LRIG2: variants seen among roughly 807,000 people sequenced by gnomAD.
LRIG2 encodes leucine rich repeats and immunoglobulin like domains 2.
Under a neutral mutation model 107.8 loss-of-function variants are expected in LRIG2, and 93 were observed. That is an observed-to-expected ratio of 0.86 (90% CI 0.73 to 1.03). LRIG2 has a LOEUF of 1.03. Ranked by LOEUF, LRIG2 falls within the 50% of genes least tolerant of loss-of-function variation. The probability of loss-of-function intolerance (pLI) is 0.00; values close to 1 mark genes in which losing one functional copy is unlikely to be tolerated. For synonymous variants in LRIG2, 471 were observed against 470.6 expected (o/e 1.00, Z -0.01); for missense variants, 1,226 against 1,296.0 (o/e 0.95, Z 0.83).
At chr1:113,104,683 T>C (rs1313652750) in intron 11 of LRIG2, among the ~76,000 whole-genome samples, 1 of 152,024 alleles carries the variant, frequency 6.6e-6, no homozygotes, top group African/African-American at 2.4e-5. Context: ...CCCAGCTAAT[T>C]TTTGTATCTT....
chr1:113,120,490 G>C (rs1170793766), intron 17 of LRIG2, among the ~76,000 whole-genome samples: 1 of 150,012 alleles, frequency 6.7e-6, no homozygotes, highest in Non-Finnish European at 1.5e-5. Flanking sequence ...TTTGGTGATG[G>C]TTTTTACTGA....
intron 16 of LRIG2, among the ~76,000 whole-genome samples, chr1:113,117,662 T>C (rs1312004451): frequency 6.6e-6 from 1 of 151,998 alleles, no homozygotes; most frequent in Non-Finnish European, 1.5e-5. Context: ...TTTTGTATTT[T>C]TAGTAGAGAC....
chr1:113,112,434 T>A, intron 13 of LRIG2, 45 bp from the exon 14 acceptor site: 1 of 1,570,054 alleles, frequency 6.4e-7, no homozygotes, highest in Non-Finnish European at 8.7e-7. Flanking sequence ...TATATGTGTC[T>A]TTGTTCCCTT....
intron 16 of LRIG2, among the ~76,000 whole-genome samples, chr1:113,116,648 G>T (rs1655029977): frequency 6.6e-6 from 1 of 152,188 alleles, no homozygotes; most frequent in African/African-American, 2.4e-5. Flanking sequence ...TTAAACAAGA[G>T]ATCAGAGTAC....
intron 8 of LRIG2, among the ~76,000 whole-genome samples, chr1:113,097,968 C>T (rs1570746989): frequency 6.6e-6 from 1 of 152,340 alleles, no homozygotes; most frequent in East Asian, 1.9e-4. Context: ...AATCACACAA[C>T]TCTACATGTC....
At chr1:113,093,679 C>T (rs913639311) in intron 4 of LRIG2, 115 bp downstream of exon 4, 13 of 566,710 alleles carry the variant, frequency 2.3e-5, no homozygotes, top group Middle Eastern at 5.1e-4. Flanking sequence ...TGCTAGATGA[C>T]GAGTTAGTGG....
chr1:113,123,647 T>A (rs1202140919), intron 17 of LRIG2, among the ~76,000 whole-genome samples: 1 of 151,448 alleles, frequency 6.6e-6, no homozygotes, highest in Non-Finnish European at 1.5e-5. Flanking sequence ...CAGTAGACGA[T>A]ATATAGTATG....
intron 17 of LRIG2, among the ~76,000 whole-genome samples, chr1:113,123,663 A>T (rs1184176921): frequency 6.6e-6 from 1 of 151,252 alleles, no homozygotes; most frequent in Non-Finnish European, 1.5e-5. Context: ...GTATGATCTC[A>T]GTAAATAATT....
At chr1:113,077,809 A>T (rs1386093982) in intron 1 of LRIG2, among the ~76,000 whole-genome samples, 1 of 151,778 alleles carries the variant, frequency 6.6e-6, no homozygotes, top group African/African-American at 2.4e-5. Context: ...ATATGTATAC[A>T]TGTGCCATGT....
chr1:113,084,004 ATAATAAT>A (rs1437329430), intron 1 of LRIG2, among the ~76,000 whole-genome samples: 1,405 of 49,874 alleles, frequency 0.028, 17 homozygotes, highest in Middle Eastern at 0.078. Context: ...AAGTATAATA[ATAATAAT>A]AATAATAATA....
At chr1:113,107,280 C>T (rs545280496) in intron 11 of LRIG2, among the ~76,000 whole-genome samples, 54 of 152,096 alleles carry the variant, frequency 3.6e-4, no homozygotes, top group African/African-American at 1.2e-3. Context: ...TCAAATTTCC[C>T]CAATGTTAAA....
intron 17 of LRIG2, among the ~76,000 whole-genome samples, chr1:113,120,300 A>G (rs1294801918): frequency 1.3e-5 from 2 of 151,496 alleles, no homozygotes; most frequent in Non-Finnish European, 2.9e-5. Context: ...AAATACAAAA[A>G]TTAGCCTAAC....
chr1:113,114,114 T>A (rs1038318267), intron 14 of LRIG2, among the ~76,000 whole-genome samples: 1 of 152,110 alleles, frequency 6.6e-6, no homozygotes, highest in Non-Finnish European at 1.5e-5. Flanking sequence ...TAAACATCTT[T>A]GCGTATAAAT....
intron 1 of LRIG2, among the ~76,000 whole-genome samples, chr1:113,075,737 C>A (rs1014142379): frequency 3.4e-5 from 5 of 146,918 alleles, no homozygotes; most frequent in African/African-American, 1.3e-4. Context: ...CTCTTGTTGC[C>A]CAGGCTGGAG....
At chr1:113,122,745 T>C (rs1168141120) in intron 17 of LRIG2, among the ~76,000 whole-genome samples, 1 of 152,202 alleles carries the variant, frequency 6.6e-6, no homozygotes, top group Non-Finnish European at 1.5e-5. Flanking sequence ...CACCGTTACC[T>C]AAGAGCTTGT....
At chr1:113,099,353 T>C (rs1248790217) in intron 9 of LRIG2, among the ~76,000 whole-genome samples, 1 of 151,310 alleles carries the variant, frequency 6.6e-6, no homozygotes, top group Non-Finnish European at 1.5e-5. Flanking sequence ...TCTCCCACCT[T>C]GGCCTCCTAA....
At chr1:113,115,718 G>T (rs924841555) in intron 15 of LRIG2, among the ~76,000 whole-genome samples, 1 of 152,054 alleles carries the variant, frequency 6.6e-6, no homozygotes, top group Non-Finnish European at 1.5e-5. Context: ...AGTTGAGACG[G>T]GGTTTCACCA....
intron 1 of LRIG2, among the ~76,000 whole-genome samples, chr1:113,089,637 T>G (rs894173889): frequency 2.1e-5 from 3 of 145,506 alleles, no homozygotes; most frequent in Non-Finnish European, 4.6e-5. Flanking sequence ...TTAACATAAT[T>G]TGGGGTGAGA....
At chr1:113,085,057 T>C (rs1444577678) in intron 1 of LRIG2, among the ~76,000 whole-genome samples, 1 of 152,268 alleles carries the variant, frequency 6.6e-6, no homozygotes, top group African/African-American at 2.4e-5. Context: ...AACTTTACTT[T>C]GTTGTAAACC....
Sources: allele counts gnomAD v4.1 joint callset (sites outside exome capture counted in the v4.1 genomes callset), GRCh38; gene constraint gnomAD v4.1.1; transcripts MANE v1.5; gene names NCBI Gene and HGNC (gene_info 2026-07-23, HGNC 2026-07-21).